The following CHD5 variants were observed in gnomAD, a reference collection of about 807,000 sequenced individuals.
CHD5 encodes the protein chromodomain helicase DNA binding protein 5.
In CHD5, 69 loss-of-function variants were observed where a neutral mutation model predicts 230.3. The observed-to-expected ratio is 0.30, with a 90% confidence interval of 0.25 to 0.37. CHD5 has a LOEUF of 0.37. Among genes scored for constraint, CHD5 ranks in the 10% least tolerant of loss-of-function variants. The pLI, the probability that CHD5 is intolerant of heterozygous loss-of-function variation, is 1.00. For missense variants in CHD5, 1,827 were observed against 2,622.8 expected (o/e 0.70, Z 6.63); for synonymous variants, 1,064 against 1,065.9 (o/e 1.00, Z 0.03).
chr1:6,148,816 G>C, intron 9 of CHD5, 38 bp downstream of exon 9: 1 of 1,464,784 alleles, frequency 6.8e-7, no homozygotes, highest in Non-Finnish European at 9.1e-7. Flanking sequence ...TCCTGGGGTG[G>C]GGCGGGGCGT....
intron 16 of CHD5, 30 bp from the exon 17 acceptor site, chr1:6,136,668 G>A (rs188188187): frequency 6.2e-7 from 1 of 1,613,006 alleles, no homozygotes; most frequent in South Asian, 1.1e-5. Flanking sequence ...GCCTGTCAGG[G>A]GGCTCTGGGC....
intron 2 of CHD5, among the ~76,000 whole-genome samples, chr1:6,163,561 G>A (rs1465942557): frequency 5.3e-5 from 8 of 152,232 alleles, no homozygotes; most frequent in African/African-American, 1.9e-4. Context: ...AGAGAAAGCT[G>A]CAAATAGTTC....
chr1:6,139,489 G>A (rs1464458869), intron 15 of CHD5, among the ~76,000 whole-genome samples: 4 of 151,606 alleles, frequency 2.6e-5, no homozygotes, highest in South Asian at 2.1e-4. Context: ...CACCCGCCTC[G>A]GCCTCCCAAA....
intron 7 of CHD5, 72 bp downstream of exon 7, chr1:6,150,960 G>A (rs1666997837): frequency 1.4e-6 from 2 of 1,417,678 alleles, no homozygotes; most frequent in East Asian, 2.6e-5. Flanking sequence ...GAACCGTCCA[G>A]ATGGGGAGTC....
In CHD5 at chr1:6,171,868, C is replaced by T. The variant is rs913129421; in HGVS notation, c.80-3591G>A. 2.6e-5 allele frequency among the ~76,000 whole-genome samples: 4 copies of T among 152,378 alleles called. No individual in the cohort carries two copies. The East Asian group carries it at 7.7e-4, about 29-fold the overall frequency. On this transcript the variant is annotated intron_variant, in intron 1 of 41. Transcript: ENST00000262450. The stretch of plus-strand genomic sequence containing the variant: ...GCCAGCTCCTGGCCCCTCGTGGCTG[C>T]CCCACCACCCTCCTGGCCCACCTGG...
Position 6,136,882 on chromosome 1 carries a change from C to G in CHD5, c.2437-17G>C. ...CACTTCTTTCTGGAGAAAAGAGGGGCATTGGGGATGAGACGGCTGGGAGCA... is the reference window on the plus strand; with the variant it reads ...CACTTCTTTCTGGAGAAAAGAGGGGGATTGGGGATGAGACGGCTGGGAGCA... On this transcript the variant is annotated splice_polypyrimidine_tract_variant and intron_variant, in intron 15 of 41. Coordinates refer to ENST00000262450, the MANE Select transcript of CHD5 (RefSeq NM_015557.3). 1 of 1,597,940 alleles carries G rather than the reference C, an allele frequency of 6.3e-7. No homozygotes were observed. The highest frequency in any genetic ancestry group is 8.5e-7 in the Non-Finnish European group (1 of 1,171,014).
chr1:6,178,707 C>T (rs1667462895), intron 1 of CHD5, among the ~76,000 whole-genome samples: 1 of 152,142 alleles, frequency 6.6e-6, no homozygotes, highest in Non-Finnish European at 1.5e-5. Context: ...TGCCGGGCTC[C>T]TGTAGGAGCT....
At chr1:6,177,899 C>T (rs1255641061) in intron 1 of CHD5, among the ~76,000 whole-genome samples, 1 of 152,154 alleles carries the variant, frequency 6.6e-6, no homozygotes, top group African/African-American at 2.4e-5. Context: ...GTTTCAGAGG[C>T]GACTGGAGCC....
chr1:6,171,585 G>A (rs114132069), intron 1 of CHD5, among the ~76,000 whole-genome samples: 40 of 152,200 alleles, frequency 2.6e-4, no homozygotes, highest in Non-Finnish European at 4.3e-4. Flanking sequence ...CTCTGCTCCC[G>A]CAGCAGGTCC....
rs779090531 is a variant in CHD5 at position 6,142,477 on chromosome 1, G to A, written c.2172C>T (p.Ala724=). Residue 724 remains alanine, a synonymous_variant, in exon 14 of 42, where the codon GCC becomes GCT. Transcript: ENST00000262450. The surrounding 1 kb of genome is among the most constrained non-coding windows in gnomAD (Gnocchi z 5.2). ...CCGTCTTGCCCAGACCCATCTCATCGGCCAGGATGGTGTCAGTGCCCTGGG... is the reference window on the plus strand; with the variant it reads ...CCGTCTTGCCCAGACCCATCTCATCAGCCAGGATGGTGTCAGTGCCCTGGG... ...SWAQGTDTIL[A]DEMGLGKTVQ... The A allele has an allele frequency of 3.2e-5, 52 of 1,614,040 alleles. No individual in the cohort carries two copies. Among genetic ancestry groups the A allele is most frequent in the Admixed American group, 1.7e-4 (10 of 60,002 alleles).
intron 6 of CHD5, among the ~76,000 whole-genome samples, chr1:6,151,941 G>A (rs1436347632): frequency 6.6e-6 from 1 of 152,178 alleles, no homozygotes; most frequent in East Asian, 1.9e-4. Context: ...CTGGCCCTGA[G>A]GACAGGAGGA....
chr1:6,125,814 C>T lies in CHD5; in HGVS notation c.4123G>A (p.Gly1375Ser). 1 of 1,613,734 alleles carries T rather than the reference C, an allele frequency of 6.2e-7. No individual in the cohort carries two copies. The highest frequency in any genetic ancestry group is 8.5e-7 in the Non-Finnish European group (1 of 1,179,958). Residue 1375 changes from glycine to serine, a missense_variant, in exon 27 of 42, where the codon GGC becomes AGC. Coordinates refer to ENST00000262450, the MANE Select transcript of CHD5 (RefSeq NM_015557.3). The surrounding 1 kb of genome is among the most constrained non-coding windows in gnomAD (Gnocchi z 6.7). ...AAGTCCTCATCCTCATCCTCAGAGC[C>T]AATGGAATATTCTGACTGGTTATCA... ...LSDNQSEYSIGSEDEDEDFEE... is the reference protein window; with the variant it reads ...LSDNQSEYSISSEDEDEDFEE...
rs773165192 is a variant in CHD5 at position 6,106,395 on chromosome 1, C to T, written c.5857G>A (p.Asp1953Asn). ...CTGCCCGGAGCGGACGGGCACCTACCGGTCACATAGGGCCCCAGGGGCATC... is the reference window on the plus strand; with the variant it reads ...CTGCCCGGAGCGGACGGGCACCTACTGGTCACATAGGGCCCCAGGGGCATC... ...NQMPLGPYVT[D>N]I Residue 1953 changes from aspartate (D) to asparagine (N), a missense_variant and splice_region_variant, in exon 40 of 42, where the codon GAT (aspartate) becomes AAT (asparagine). Asp to Asn is a conservative substitution (Grantham distance 23). Coordinates refer to ENST00000262450, the MANE Select transcript of CHD5 (RefSeq NM_015557.3). 12 of 1,601,448 alleles carry T rather than the reference C, an allele frequency of 7.5e-6. No homozygotes were observed. The highest frequency in any genetic ancestry group is 1.3e-5 in the African/African-American group (1 of 74,674).
chr1:6,145,417 C>G (rs886853271), intron 11 of CHD5, among the ~76,000 whole-genome samples: 1 of 152,236 alleles, frequency 6.6e-6, no homozygotes, highest in African/African-American at 2.4e-5. Flanking sequence ...AGCACAAGCT[C>G]CAAGCTGCCA....
At chr1:6,109,733 G>T in intron 38 of CHD5, 62 bp downstream of exon 38, 1 of 1,447,986 alleles carries the variant, frequency 6.9e-7, no homozygotes, top group South Asian at 1.2e-5. Context: ...CTACAGCCAA[G>T]AGCGCTCGCT....
Position 6,121,108 on chromosome 1 carries a change from T to C in CHD5, c.4909A>G (p.Arg1637Gly). ...GTGGCCTGCAAGAAGCCCCAACCTCTCGGCAGCTGCTCCGGGGAGGGCGGG... is the reference window on the plus strand; with the variant it reads ...GTGGCCTGCAAGAAGCCCCAACCTCCCGGCAGCTGCTCCGGGGAGGGCGGG... ...KAPPSPEQLP[R>G]EEVLPEKEKI... is the part of the protein sequence containing the mutation. Residue 1637 changes from arginine (R) to glycine (G), a missense_variant, in exon 33 of 42, where the codon AGA (arginine) becomes GGA (glycine). By Grantham distance (125) the Arg-to-Gly change is moderately radical. Transcript: ENST00000262450. The surrounding 1 kb of genome is among the most constrained non-coding windows in gnomAD (Gnocchi z 4.5). The C allele has an allele frequency of 6.3e-7, 1 of 1,595,886 alleles. No individual in the cohort carries two copies. The highest frequency in any genetic ancestry group is 8.5e-7 in the Non-Finnish European group (1 of 1,172,240).
chr1:6,116,632 C>G (rs916274828), intron 33 of CHD5, among the ~76,000 whole-genome samples: 5 of 152,202 alleles, frequency 3.3e-5, no homozygotes, highest in Admixed American at 6.5e-5. Flanking sequence ...CAGCAGCCTT[C>G]TCAGCATAAT....
In CHD5 at chr1:6,136,750, C is replaced by T. The variant is rs1333439739; in HGVS notation, c.2552G>A (p.Arg851His). ...WACLVVDEAH[R>H]LKNNQSKFFR... ...TACCTTGGACTGGTTGTTCTTGAGG[C>T]GGTGGGCCTCATCTACCACCAGGCA... Residue 851 changes from arginine (R) to histidine (H), a missense_variant, in exon 16 of 42, where the codon CGC becomes CAC. This residue lies in a region of CHD5 where 52 missense variants were observed against 164.5 expected (regional missense o/e 0.32). Coordinates refer to ENST00000262450, the MANE Select transcript of CHD5 (RefSeq NM_015557.3). The T allele has an allele frequency of 6.8e-6, 11 of 1,612,198 alleles. No individual in the cohort carries two copies. The highest frequency in any genetic ancestry group is 1.3e-5 in the African/African-American group (1 of 74,900).
At position 6,125,337 on chromosome 1, in the gene CHD5, A is replaced by C; in HGVS notation, c.4261-104T>G. The C allele has an allele frequency of 2.4e-6, 3 of 1,232,148 alleles. No homozygotes were observed. The highest frequency in any genetic ancestry group is 3.4e-6 in the Non-Finnish European group (3 of 890,534). 76.3% of individuals were successfully genotyped at this position (1,232,148 alleles called of 1,614,324 possible). A position where few individuals can be genotyped will look rare whatever the true frequency, so the allele number is the denominator to read the frequency against. On this transcript the variant is annotated intron_variant, in intron 28 of 41. Coordinates refer to ENST00000262450, the MANE Select transcript of CHD5 (RefSeq NM_015557.3). This position sits in a 1 kb window ranked among gnomAD's most constrained non-coding sequence, Gnocchi z 6.7. The stretch of plus-strand genomic sequence containing the variant: ...AGCATGGGAGGAGGAGAAGGTAGGA[A>C]GGGGGCACAGAGAAGGCAGGGGCCT...
Sources: gnomAD v4.1 joint callset for allele counts (sites outside exome capture counted in the v4.1 genomes callset) on GRCh38, gnomAD v4.1.1 for gene constraint, gnomAD v4.1.1 regional missense constraint, Gnocchi (gnomAD v3.1) non-coding constraint, MANE v1.5 for transcripts, NCBI Gene and HGNC (gene_info 2026-07-23, HGNC 2026-07-21) for gene names.